The following PYGB variants were observed in gnomAD, a reference collection of about 807,000 sequenced individuals.
The protein encoded by PYGB is glycogen phosphorylase, brain form.
A neutral mutation model predicts 94.3 loss-of-function variants in PYGB; 82 were observed. That is an observed-to-expected ratio of 0.87 (90% confidence interval 0.73 to 1.04). PYGB has a LOEUF of 1.04. Ranked by LOEUF, PYGB falls within the 50% of genes least tolerant of loss-of-function variation. The probability of loss-of-function intolerance (pLI) is 0.00; values close to 1 mark genes in which losing one functional copy is unlikely to be tolerated. For synonymous variants in PYGB, 488 were observed against 479.1 expected, an observed-to-expected ratio of 1.02 and a Z score of -0.24; for missense variants, 1,132 against 1,158.2, an observed-to-expected ratio of 0.98 and a Z score of 0.33.
At chr20:25,276,599 G>A (rs770081757) in intron 5 of PYGB, 47 bp from the exon 6 acceptor site, 1 of 1,538,136 alleles carries the variant, frequency 6.5e-7, no homozygotes. Flanking sequence ...ACAGGGGCCG[G>A]CGGGGGCCCT....
At chr20:25,266,653 T>C (rs2088220854) in intron 2 of PYGB, among the ~76,000 whole-genome samples, 1 of 152,208 alleles carries the variant, frequency 6.6e-6, no homozygotes, top group South Asian at 2.1e-4. Flanking sequence ...GTATCCAGAA[T>C]ATATGTAAAG....
intron 14 of PYGB, among the ~76,000 whole-genome samples, chr20:25,286,904 A>G (rs1191268265): frequency 6.6e-6 from 1 of 152,234 alleles, no homozygotes; most frequent in Non-Finnish European, 1.5e-5. Context: ...TGGTGAAATC[A>G]TCACTTGTGT....
chr20:25,284,252 G>GT lies in PYGB; in HGVS notation c.1768+2dup, dbSNP rs771084364. 5.2e-5 allele frequency: 84 copies of GT among 1,612,636 alleles called. No homozygotes were observed. The highest frequency in any genetic ancestry group is 6.9e-5 in the Non-Finnish European group (81 of 1,179,180). Reference sequence around the variant, plus strand: ...CTGCACGTCGTCACCCTGTACAATCGTGAGTGCCGGCATCACCTGCATGAC... The same window carrying GT: ...CTGCACGTCGTCACCCTGTACAATCGTTGAGTGCCGGCATCACCTGCATGAC... On this transcript the variant is annotated splice_donor_variant, in intron 14 of 19. Transcript: ENST00000216962. LOFTEE classifies it high-confidence loss of function.
At chr20:25,268,216 T>C (rs1449801254) in intron 2 of PYGB, among the ~76,000 whole-genome samples, 1 of 131,368 alleles carries the variant, frequency 7.6e-6, no homozygotes, top group African/African-American at 2.9e-5. Context: ...GAAATTGCTT[T>C]ACGAATTAAG....
intron 19 of PYGB, 112 bp downstream of exon 19, chr20:25,295,782 G>A: frequency 8.0e-7 from 1 of 1,242,734 alleles, no homozygotes; most frequent in African/African-American, 1.5e-5. Flanking sequence ...TGGGCCAGAG[G>A]GGTTTGTGAT....
At chr20:25,292,084 C>T (rs2088472656) in intron 16 of PYGB, among the ~76,000 whole-genome samples, 1 of 152,186 alleles carries the variant, frequency 6.6e-6, no homozygotes, top group Non-Finnish European at 1.5e-5. Flanking sequence ...GTCAGCGAGC[C>T]AGGACTGGCT....
intron 2 of PYGB, among the ~76,000 whole-genome samples, chr20:25,266,957 C>G (rs145169639): frequency 5.3e-5 from 8 of 152,312 alleles, no homozygotes; most frequent in Non-Finnish European, 1.0e-4. Context: ...GCATAGAATT[C>G]TCATGTAGCC....
chr20:25,283,451 C>T (rs2088387648), intron 13 of PYGB, among the ~76,000 whole-genome samples, 174 bp downstream of exon 13: 1 of 152,180 alleles, frequency 6.6e-6, no homozygotes. Flanking sequence ...TGAGGTCTCT[C>T]CACCCCACTC....
In PYGB at chr20:25,248,426, G is replaced by A. The variant is rs200317388; in HGVS notation, c.243+5G>A. On this transcript the variant is annotated splice_donor_5th_base_variant and intron_variant, in intron 1 of 19. Coordinates refer to ENST00000216962, the MANE Select transcript of PYGB (RefSeq NM_002862.4). ...TACTACGAGCGCGACCCCAAGGTGAGGCGCTGCCCCGCCCTGTGCGCCCGT... is the reference window on the plus strand; with the variant it reads ...TACTACGAGCGCGACCCCAAGGTGAAGCGCTGCCCCGCCCTGTGCGCCCGT... The A allele has an allele frequency of 1.4e-5, 21 of 1,497,808 alleles. No homozygotes were observed. Among genetic ancestry groups the A allele is most frequent in the Non-Finnish European group, 1.9e-5 (21 of 1,118,570 alleles). The allele number at this position is 1,497,808 out of a possible 1,614,324, so 92.8% of individuals were successfully genotyped here.
At chr20:25,288,552 G>A (rs1262053848) in intron 15 of PYGB, 69 bp downstream of exon 15, 21 of 1,525,460 alleles carry the variant, frequency 1.4e-5, no homozygotes, top group Admixed American at 8.7e-5. Context: ...CAGCCTGCAC[G>A]CTTCTCATGG....
chr20:25,250,076 C>T (rs1258926739), intron 1 of PYGB, among the ~76,000 whole-genome samples: 1 of 152,182 alleles, frequency 6.6e-6, no homozygotes, highest in Non-Finnish European at 1.5e-5. Flanking sequence ...GTCTCAAACT[C>T]CTGACCTCGT....
intron 15 of PYGB, among the ~76,000 whole-genome samples, chr20:25,289,597 T>C (rs1335899678): frequency 6.6e-6 from 1 of 152,006 alleles, no homozygotes; most frequent in Non-Finnish European, 1.5e-5. Flanking sequence ...TGAGCTGTGA[T>C]TGCACTACTG....
intron 2 of PYGB, among the ~76,000 whole-genome samples, chr20:25,264,052 C>T (rs2092919180): frequency 6.6e-6 from 1 of 152,184 alleles, no homozygotes; most frequent in African/African-American, 2.4e-5. Flanking sequence ...AAACCAAATC[C>T]AGCAGCACAT....
At chr20:25,249,109 A>G (rs539796300) in intron 1 of PYGB, among the ~76,000 whole-genome samples, 79 of 152,348 alleles carry the variant, frequency 5.2e-4, no homozygotes, top group African/African-American at 1.8e-3. Context: ...TTGTTTGAGT[A>G]GTGAAACAAA....
At chr20:25,294,326 G>A in intron 18 of PYGB, 34 bp downstream of exon 18, 3 of 1,440,576 alleles carry the variant, frequency 2.1e-6, no homozygotes, top group Admixed American at 1.8e-5. Context: ...GTGGCTGGGA[G>A]GGAGGGAGGG....
chr20:25,290,431 G>A (rs2145898614), intron 15 of PYGB, 50 bp from the exon 16 acceptor site: 1 of 1,588,832 alleles, frequency 6.3e-7, no homozygotes, highest in East Asian at 2.3e-5. Flanking sequence ...CGCCTCCAAG[G>A]GCCTGAACAA....
intron 18 of PYGB, 62 bp downstream of exon 18, chr20:25,294,354 G>C (rs573031959): frequency 6.6e-7 from 1 of 1,504,206 alleles, no homozygotes; most frequent in Admixed American, 1.7e-5. Flanking sequence ...GGTCCTCTTC[G>C]TGGGTTGGAT....
chr20:25,249,918 C>G (rs533823812), intron 1 of PYGB, among the ~76,000 whole-genome samples: 1 of 151,280 alleles, frequency 6.6e-6, no homozygotes, highest in South Asian at 2.1e-4. Context: ...GGCGCGATCT[C>G]GGCTCAGTGC....
chr20:25,285,529 T>A (rs1317498578), intron 14 of PYGB: 1 of 151,860 alleles, frequency 6.6e-6, no homozygotes, highest in Non-Finnish European at 1.5e-5. Flanking sequence ...TTCCAGATGC[T>A]CCACTTCTGC....
Sources: gnomAD v4.1 joint callset for allele counts (sites outside exome capture counted in the v4.1 genomes callset) on GRCh38, gnomAD v4.1.1 for gene constraint, MANE v1.5 for transcripts, NCBI Gene and HGNC (gene_info 2026-07-23, HGNC 2026-07-21) for gene names.